EWSR1: variants seen among roughly 807,000 people sequenced by gnomAD.
The protein encoded by EWSR1 is EWS RNA binding protein 1.
In EWSR1, 14 loss-of-function variants were observed where a neutral mutation model predicts 92.1. That is an observed-to-expected ratio of 0.15 (90% confidence interval 0.10 to 0.24). EWSR1 has a LOEUF of 0.24. Among genes scored for constraint, EWSR1 ranks in the 10% least tolerant of loss-of-function variants. EWSR1 has a pLI of 1.00. For missense variants in EWSR1, 637 were observed against 870.9 expected (o/e 0.73, Z 3.38); for synonymous variants, 303 against 292.9 (o/e 1.03, Z -0.35).
intron 11 of EWSR1, among the ~76,000 whole-genome samples, chr22:29,293,872 T>G (rs1351451403): frequency 6.6e-6 from 1 of 151,984 alleles, no homozygotes; most frequent in Admixed American, 6.6e-5. Flanking sequence ...CTGGCCTGTC[T>G]CTATTTGTTA....
intron 4 of EWSR1, among the ~76,000 whole-genome samples, chr22:29,274,806 T>G (rs1978786659): frequency 6.6e-6 from 1 of 152,248 alleles, no homozygotes; most frequent in Admixed American, 6.5e-5. Context: ...ATTCCGATAC[T>G]GAGGTTGGGT....
intron 8 of EWSR1, chr22:29,290,085 T>A (rs1320847191): frequency 3.9e-6 from 1 of 258,236 alleles, no homozygotes; most frequent in African/African-American, 2.2e-5. Context: ...GTTATAATCC[T>A]ACTAATTGTG....
At chr22:29,294,835 C>G (rs1057121026) in intron 11 of EWSR1, among the ~76,000 whole-genome samples, 1 of 151,290 alleles carries the variant, frequency 6.6e-6, no homozygotes, top group African/African-American at 2.4e-5. Context: ...ATCAGTTGAT[C>G]CCAGGATGCA....
intron 1 of EWSR1, among the ~76,000 whole-genome samples, 191 bp downstream of exon 1, chr22:29,268,540 A>C (rs938461784): frequency 6.6e-6 from 1 of 152,114 alleles, no homozygotes; most frequent in Non-Finnish European, 1.5e-5. Context: ...CGGTTCTGGA[A>C]TCTTCCGGCG....
intron 3 of EWSR1, 55 bp from the exon 4 acceptor site, chr22:29,273,686 C>A: frequency 1.9e-6 from 3 of 1,576,588 alleles, no homozygotes; most frequent in Non-Finnish European, 2.6e-6. Context: ...CATTTTATTG[C>A]TAAAATACAA....
In EWSR1 at chr22:29,278,228, G is replaced by T. The variant is rs753079272; in HGVS notation, c.413+12G>T. On this transcript the variant is annotated intron_variant, in intron 5 of 16. Transcript: ENST00000397938. Reference sequence around the variant, plus strand: ...ACTGCACCTACAAGGTAAGGCCATGGTGTCCTTAATGCGTCAGTCTTATGT... The same window carrying T: ...ACTGCACCTACAAGGTAAGGCCATGTTGTCCTTAATGCGTCAGTCTTATGT... The T allele has an allele frequency of 1.9e-6, 3 of 1,612,358 alleles. No individual in the cohort carries two copies. The South Asian group carries it at 3.3e-5, about 18-fold the overall frequency.
chr22:29,293,064 C>T lies in EWSR1; in HGVS notation c.1164+458C>T, dbSNP rs989882674. ...CCTACGCCCGGCCTTCCCTCCTCCA[C>T]CCCTAGGGACAGAGTGTTGCTCAAT... is the stretch of plus-strand genomic sequence containing the variant. On this transcript the variant is annotated intron_variant, in intron 11 of 16. Coordinates refer to ENST00000397938, the MANE Select transcript of EWSR1 (RefSeq NM_005243.4). 2.6e-5 allele frequency among the ~76,000 whole-genome samples: 4 copies of T among 152,058 alleles called. No individual in the cohort carries two copies. The East Asian group carries it at 5.8e-4, about 22-fold the overall frequency.
Position 29,298,906 on chromosome 22 carries a change from G to C in EWSR1, c.1580+11G>C. 6.5e-7 allele frequency: 1 copy of C among 1,532,774 alleles called. No homozygotes were observed. Among genetic ancestry groups the C allele is most frequent in the South Asian group, 1.3e-5 (1 of 77,120 alleles). The allele number at this position is 1,532,774 out of a possible 1,614,324, so 94.9% of individuals were successfully genotyped here. A position where few individuals can be genotyped will look rare whatever the true frequency, so the allele number is the denominator to read the frequency against. On this transcript the variant is annotated intron_variant, in intron 14 of 16. Coordinates refer to ENST00000397938, the MANE Select transcript of EWSR1 (RefSeq NM_005243.4). Reference sequence around the variant, plus strand: ...GCAGTGTCCCAATCCGTATGTACTTGTCTTGGCAAATTGATACCCTACGAG... The same window carrying C: ...GCAGTGTCCCAATCCGTATGTACTTCTCTTGGCAAATTGATACCCTACGAG...
chr22:29,284,025 G>C (rs2059824939), intron 6 of EWSR1, among the ~76,000 whole-genome samples: 1 of 151,124 alleles, frequency 6.6e-6, no homozygotes, highest in Non-Finnish European at 1.5e-5. Context: ...GTAGAGACGG[G>C]GTTTCTCCAT....
intron 6 of EWSR1, 136 bp from the exon 7 acceptor site, chr22:29,286,787 T>C (rs1465502646): frequency 3.2e-6 from 2 of 624,502 alleles, no homozygotes; most frequent in Non-Finnish European, 5.6e-6. Flanking sequence ...ATTCAAATTG[T>C]TGATGTGTAG....
rs753883803 is a variant in EWSR1 at position 29,296,319 on chromosome 22, G to A, written c.1245G>A (p.Val415=). The A allele has an allele frequency of 2.5e-6, 4 of 1,614,190 alleles. No homozygotes were observed. The South Asian group carries it at 4.4e-5, about 18-fold the overall frequency. The stretch of plus-strand genomic sequence containing the variant: ...GAAAGCCCAAAGGCGATGCCACAGT[G>A]TCCTATGAAGACCCACCCACTGCCA... ...ETGKPKGDAT[V]SYEDPPTAKA... The change falls in exon 12 of 17, where the codon GTG becomes GTA. Residue 415 remains valine, a synonymous_variant. Coordinates refer to ENST00000397938, the MANE Select transcript of EWSR1 (RefSeq NM_005243.4).
chr22:29,273,957 C>G, intron 4 of EWSR1, 93 bp downstream of exon 4: 3 of 1,504,756 alleles, frequency 2.0e-6, no homozygotes, highest in Non-Finnish European at 2.7e-6. Flanking sequence ...ATATTCTGGT[C>G]CATACCTTGG....
intron 8 of EWSR1, chr22:29,289,364 A>G (rs1035676673): frequency 4.3e-6 from 1 of 230,258 alleles, no homozygotes; most frequent in Non-Finnish European, 8.6e-6. Flanking sequence ...AGTAATGTAT[A>G]TAATTATGGG....
At chr22:29,290,641 C>A in intron 8 of EWSR1, 2 of 1,425,502 alleles carry the variant, frequency 1.4e-6, no homozygotes. Flanking sequence ...AGGTATAATA[C>A]TCTAGAATTG....
At chr22:29,278,293 T>C (rs2147018565) in intron 5 of EWSR1, 77 bp downstream of exon 5, 2 of 1,405,510 alleles carry the variant, frequency 1.4e-6, no homozygotes, top group South Asian at 2.7e-5. Flanking sequence ...TAAAATAATC[T>C]GTGGTTTAGT....
At chr22:29,272,580 C>G (rs934360766) in intron 3 of EWSR1, 149 bp downstream of exon 3, 17 of 736,746 alleles carry the variant, frequency 2.3e-5, no homozygotes, top group African/African-American at 5.3e-5. Context: ...AGTGGGAGTG[C>G]GAAGGACTCC....
At chr22:29,285,188 G>C (rs1426669234) in intron 6 of EWSR1, among the ~76,000 whole-genome samples, 1 of 137,824 alleles carries the variant, frequency 7.3e-6, no homozygotes, top group African/African-American at 2.8e-5. Flanking sequence ...CAGTGGCGCT[G>C]TCTTGGCTCA....
At position 29,292,154 on chromosome 22, in the gene EWSR1, C is replaced by G. The variant is rs750461208; in HGVS notation, c.1030C>G (p.Pro344Ala). 6.2e-7 allele frequency: 1 copy of G among 1,613,932 alleles called. No homozygotes were observed. The highest frequency in any genetic ancestry group is 2.2e-5 in the East Asian group (1 of 44,870). ...NKPGGPMDEG[P>A]DLDLGPPVDP... ...GTTGGCAGGACCCATGGATGAAGGA[C>G]CAGATCTTGATCTAGGTAATTTTGA... The change falls in exon 10 of 17, where the codon CCA (proline) becomes GCA (alanine). Residue 344 changes from proline to alanine, a missense_variant. Physicochemically the swap from Pro to Ala is conservative, Grantham distance 27. Around this residue, in one of 5 missense-constraint regions of EWSR1, gnomAD observed 363 missense variants for 447.8 expected, o/e 0.81. Transcript: ENST00000397938.
At chr22:29,297,717 G>T (rs769422957) in intron 12 of EWSR1, 110 bp from the exon 13 acceptor site, 27 of 1,410,324 alleles carry the variant, frequency 1.9e-5, no homozygotes, top group Middle Eastern at 2.6e-4. Context: ...AGATCTTAGA[G>T]AAGATTACAG....
Sources: allele counts gnomAD v4.1 joint callset (sites outside exome capture counted in the v4.1 genomes callset), GRCh38; gene constraint gnomAD v4.1.1; regional missense constraint gnomAD v4.1.1; transcripts MANE v1.5; gene names NCBI Gene and HGNC (gene_info 2026-07-23, HGNC 2026-07-21).